The following ZNF407 variants were observed in gnomAD, a reference collection of about 807,000 sequenced individuals.
ZNF407 encodes the protein zinc finger protein 407.
In ZNF407, 17 loss-of-function variants were observed where a neutral mutation model predicts 131.2. That is an observed-to-expected ratio of 0.13 (90% CI 0.09 to 0.19). The LOEUF (loss-of-function observed/expected upper bound fraction) is 0.19. ZNF407 is among the 10% of genes least tolerant of loss of function. The pLI is 1.00. For synonymous variants in ZNF407, 1,156 were observed against 1,062.0 expected, an observed-to-expected ratio of 1.09 and a Z score of -1.72; for missense variants, 2,681 against 2,830.6, an observed-to-expected ratio of 0.95 and a Z score of 1.20.
At chr18:74,722,906 C>T (rs1446822121) in intron 3 of ZNF407, among the ~76,000 whole-genome samples, 2 of 152,028 alleles carry the variant, frequency 1.3e-5, no homozygotes, top group Non-Finnish European at 2.9e-5. Flanking sequence ...TTTTCTTTCC[C>T]CTTTTCTGTT....
intron 4 of ZNF407, among the ~76,000 whole-genome samples, chr18:74,870,822 G>A (rs191350371): frequency 8.5e-5 from 13 of 152,110 alleles, no homozygotes; most frequent in African/African-American, 2.2e-4. Context: ...TCCATCTAAC[G>A]TTGCATGTTG....
intron 8 of ZNF407, among the ~76,000 whole-genome samples, chr18:75,028,216 C>T (rs138210372): frequency 6.6e-6 from 1 of 152,226 alleles, no homozygotes; most frequent in Non-Finnish European, 1.5e-5. Context: ...ATGGGCTGGG[C>T]GGCTTAAACA....
At chr18:74,704,865 T>G (rs1223515873) in intron 3 of ZNF407, among the ~76,000 whole-genome samples, 1 of 152,230 alleles carries the variant, frequency 6.6e-6, no homozygotes, top group East Asian at 1.9e-4. Flanking sequence ...CTATCATGTA[T>G]TGAGCCTTGG....
At chr18:74,885,757 T>G in intron 6 of ZNF407, among the ~76,000 whole-genome samples, 1 of 152,184 alleles carries the variant, frequency 6.6e-6, no homozygotes, top group East Asian at 1.9e-4. Flanking sequence ...CAGTTGGCTA[T>G]CTATGTGCAA....
chr18:74,753,361 G>C (rs774695621), intron 3 of ZNF407, among the ~76,000 whole-genome samples: 3 of 152,106 alleles, frequency 2.0e-5, no homozygotes, highest in Non-Finnish European at 4.4e-5. Context: ...TCTTTCTCCT[G>C]CCTGACTACC....
intron 8 of ZNF407, among the ~76,000 whole-genome samples, chr18:74,994,505 G>T (rs1389158075): frequency 1.3e-5 from 2 of 152,234 alleles, no homozygotes; most frequent in African/African-American, 4.8e-5. Flanking sequence ...CAGAGAAATT[G>T]TGTCTGGAAA....
intron 4 of ZNF407, among the ~76,000 whole-genome samples, chr18:74,850,362 T>C (rs1484778547): frequency 6.6e-6 from 1 of 152,212 alleles, no homozygotes; most frequent in Non-Finnish European, 1.5e-5. Context: ...ATGGGTCACT[T>C]CTTCAGCTTT....
chr18:74,777,237 T>G (rs959676870), intron 3 of ZNF407, among the ~76,000 whole-genome samples: 1 of 152,178 alleles, frequency 6.6e-6, no homozygotes, highest in South Asian at 2.1e-4. Flanking sequence ...TTTTTTAAAC[T>G]GGAGTGTAGG....
chr18:74,737,393 A>C (rs1968442946), intron 3 of ZNF407, among the ~76,000 whole-genome samples: 1 of 152,238 alleles, frequency 6.6e-6, no homozygotes, highest in Non-Finnish European at 1.5e-5. Context: ...AATGTAACAC[A>C]CCATTGTGCT....
intron 3 of ZNF407, among the ~76,000 whole-genome samples, chr18:74,756,672 A>T (rs1462924052): frequency 1.3e-5 from 2 of 152,116 alleles, no homozygotes; most frequent in African/African-American, 4.8e-5. Context: ...TAATTTGAAT[A>T]GTTTGCTATT....
chr18:74,603,189 T>A (rs1366855582), intron 1 of ZNF407, among the ~76,000 whole-genome samples: 1 of 152,200 alleles, frequency 6.6e-6, no homozygotes, highest in East Asian at 1.9e-4. Context: ...TTGAGTCCTG[T>A]AGCACTCACT....
At chr18:74,772,102 C>T (rs1483994368) in intron 3 of ZNF407, among the ~76,000 whole-genome samples, 1 of 152,166 alleles carries the variant, frequency 6.6e-6, no homozygotes, top group Admixed American at 6.5e-5. Context: ...GCATTTTCAG[C>T]TTCTTTGCCC....
intron 8 of ZNF407, among the ~76,000 whole-genome samples, chr18:74,925,457 T>C (rs1409440452): frequency 6.6e-6 from 1 of 152,226 alleles, no homozygotes; most frequent in East Asian, 1.9e-4. Context: ...GCTAAAGTCT[T>C]TTGTCTTAAC....
intron 4 of ZNF407, among the ~76,000 whole-genome samples, chr18:74,806,613 C>G (rs1356997936): frequency 6.6e-6 from 1 of 152,152 alleles, no homozygotes; most frequent in African/African-American, 2.4e-5. Flanking sequence ...AATAAAATGA[C>G]AACATGTCAT....
chr18:75,010,996 C>G (rs961433797), intron 8 of ZNF407, among the ~76,000 whole-genome samples: 6 of 152,090 alleles, frequency 3.9e-5, no homozygotes, highest in Non-Finnish European at 5.9e-5. Flanking sequence ...TGCTTTATCC[C>G]CTGTGCTTTG....
At chr18:74,917,846 A>G (rs1971793500) in intron 7 of ZNF407, among the ~76,000 whole-genome samples, 1 of 152,218 alleles carries the variant, frequency 6.6e-6, no homozygotes, top group Non-Finnish European at 1.5e-5. Flanking sequence ...ACATAAGGAA[A>G]TAATATTGGT....
At position 74,959,483 on chromosome 18, in the gene ZNF407, G is replaced by A. The variant is rs149650971; in HGVS notation, c.5428+38791G>A. On this transcript the variant is annotated intron_variant, in intron 8 of 8. Coordinates refer to ENST00000299687, the MANE Select transcript of ZNF407 (RefSeq NM_017757.3). ...ATGCAACCATCATGCCATTGAACTT[G>A]TATGTGTCTGTCTTTCTGAGTTTAT... 2.4e-3 allele frequency among the ~76,000 whole-genome samples: 364 copies of A among 152,196 alleles called. 5 individuals carry two copies. Among genetic ancestry groups the A allele is most frequent in the African/African-American group, 8.3e-3 (346 of 41,534 alleles).
intron 3 of ZNF407, among the ~76,000 whole-genome samples, chr18:74,642,769 G>A (rs899376176): frequency 6.6e-6 from 1 of 152,032 alleles, no homozygotes; most frequent in Non-Finnish European, 1.5e-5. Context: ...TACATATATC[G>A]AGTTTTATAC....
chr18:75,037,586 A>C (rs1187558853), intron 8 of ZNF407, among the ~76,000 whole-genome samples: 1 of 152,308 alleles, frequency 6.6e-6, no homozygotes, highest in East Asian at 1.9e-4. Context: ...AGAGTTCCAC[A>C]GAGCTAATGA....
Sources: allele counts gnomAD v4.1 joint callset (sites outside exome capture counted in the v4.1 genomes callset), GRCh38; gene constraint gnomAD v4.1.1; transcripts MANE v1.5; gene names NCBI Gene and HGNC (gene_info 2026-07-23, HGNC 2026-07-21).